Variants in OSBP2 observed in about 807,000 individuals in gnomAD.
OSBP2 encodes the protein oxysterol-binding protein 2.
A neutral mutation model predicts 96.0 loss-of-function variants in OSBP2; 66 were observed. The ratio of observed to expected loss-of-function variants is 0.69; its 90% CI spans 0.56 to 0.84. The LOEUF (loss-of-function observed/expected upper bound fraction) is 0.84, where lower values mean the gene tolerates loss of function less well. Ranked by LOEUF, OSBP2 falls within the 40% of genes least tolerant of loss-of-function variation. The probability of loss-of-function intolerance (pLI) is 0.00; values close to 1 mark genes in which losing one functional copy is unlikely to be tolerated. For synonymous variants in OSBP2, 525 were observed against 520.9 expected (o/e 1.01, Z -0.11); for missense variants, 1,038 against 1,222.7 (o/e 0.85, Z 2.25).
intron 2 of OSBP2, among the ~76,000 whole-genome samples, chr22:30,805,993 AT>A (rs1409960387): frequency 1.3e-5 from 2 of 152,172 alleles, no homozygotes; most frequent in Non-Finnish European, 2.9e-5. Flanking sequence ...CTCCAACGAT[AT>A]GTGTCTCTTC....
intron 3 of OSBP2, among the ~76,000 whole-genome samples, chr22:30,882,072 G>A (rs569085798): frequency 6.6e-6 from 1 of 152,284 alleles, no homozygotes; most frequent in East Asian, 1.9e-4. Flanking sequence ...CTGGCCCTTT[G>A]GTAGCCTTGA....
chr22:30,869,546 G>GT (rs1261424287), intron 2 of OSBP2, among the ~76,000 whole-genome samples: 1 of 152,136 alleles, frequency 6.6e-6, no homozygotes, highest in Non-Finnish European at 1.5e-5. Flanking sequence ...GTTTTGTTTT[G>GT]TTTTTTGAAA....
chr22:30,809,868 A>G (rs1485233001), intron 2 of OSBP2, among the ~76,000 whole-genome samples: 1 of 152,166 alleles, frequency 6.6e-6, no homozygotes, highest in African/African-American at 2.4e-5. Context: ...GATTCATTGC[A>G]TATAGGGACA....
chr22:30,728,858 G>C (rs112193189), intron 1 of OSBP2, among the ~76,000 whole-genome samples: 4 of 152,186 alleles, frequency 2.6e-5, no homozygotes, highest in African/African-American at 9.7e-5. Flanking sequence ...CCATTTGGAT[G>C]AACCACAAAA....
chr22:30,892,625 G>C (rs540774431), intron 8 of OSBP2, among the ~76,000 whole-genome samples: 1 of 152,256 alleles, frequency 6.6e-6, no homozygotes, highest in East Asian at 1.9e-4. Flanking sequence ...CGGGCCCGGG[G>C]CAGTGCATCG....
At chr22:30,865,631 C>CAAAAA (rs398040482) in intron 2 of OSBP2, among the ~76,000 whole-genome samples, 4,847 of 59,604 alleles carry the variant, frequency 0.081, 365 homozygotes, top group Non-Finnish European at 0.11. Flanking sequence ...GACTCCATCT[C>CAAAAA]AAAAAAAAAA....
chr22:30,768,569 C>T (rs550247036), intron 2 of OSBP2, among the ~76,000 whole-genome samples: 62 of 151,944 alleles, frequency 4.1e-4, no homozygotes, highest in African/African-American at 1.5e-3. Flanking sequence ...CCCACCTACT[C>T]GGGAGGCTGA....
chr22:30,878,119 G>A (rs1319644803), intron 3 of OSBP2, among the ~76,000 whole-genome samples: 1 of 152,250 alleles, frequency 6.6e-6, no homozygotes, highest in Non-Finnish European at 1.5e-5. Context: ...GGAGGTTGGA[G>A]TGAAGAGGAG....
chr22:30,822,453 G>C (rs2038294397), intron 2 of OSBP2: 6 of 1,199,414 alleles, frequency 5.0e-6, no homozygotes, highest in Non-Finnish European at 6.4e-6. Flanking sequence ...CGGGGTTAAC[G>C]CGCTCATGTA....
At chr22:30,703,429 C>T (rs1374140972) in intron 1 of OSBP2, among the ~76,000 whole-genome samples, 1 of 151,172 alleles carries the variant, frequency 6.6e-6, no homozygotes. Flanking sequence ...TCTCCTCAGC[C>T]TCCCAAAGTG....
intron 2 of OSBP2, among the ~76,000 whole-genome samples, chr22:30,750,122 A>G (rs1197933848): frequency 6.6e-6 from 1 of 152,118 alleles, no homozygotes; most frequent in Admixed American, 6.6e-5. Flanking sequence ...TCCCTTTCCA[A>G]ATTTGGTAGA....
chr22:30,696,633 A>G (rs1432048608), intron 1 of OSBP2, among the ~76,000 whole-genome samples: 2 of 152,194 alleles, frequency 1.3e-5, no homozygotes, highest in East Asian at 3.9e-4. Flanking sequence ...CCTTCAAGTC[A>G]CCCACTACAG....
At chr22:30,721,311 C>T (rs1458096188) in intron 1 of OSBP2, among the ~76,000 whole-genome samples, 1 of 152,166 alleles carries the variant, frequency 6.6e-6, no homozygotes, top group Non-Finnish European at 1.5e-5. Flanking sequence ...GAAAGAAGGT[C>T]ACATGTCATT....
intron 1 of OSBP2, among the ~76,000 whole-genome samples, chr22:30,727,459 A>T (rs1302384458): frequency 6.6e-6 from 1 of 152,142 alleles, no homozygotes; most frequent in East Asian, 1.9e-4. Context: ...TAGCTCACAG[A>T]ATCTCTGGAA....
chr22:30,752,064 G>A (rs776645212), intron 2 of OSBP2, among the ~76,000 whole-genome samples: 3 of 152,100 alleles, frequency 2.0e-5, no homozygotes, highest in African/African-American at 4.8e-5. Context: ...TTCCTCAGCC[G>A]TGGGCCTTCC....
At chr22:30,867,234 C>T (rs2039358132) in intron 2 of OSBP2, among the ~76,000 whole-genome samples, 1 of 152,142 alleles carries the variant, frequency 6.6e-6, no homozygotes, top group Non-Finnish European at 1.5e-5. Context: ...CCAGTCTTGT[C>T]TTTCCCATGG....
At chr22:30,787,346 G>A (rs1166573115) in intron 2 of OSBP2, among the ~76,000 whole-genome samples, 1 of 152,050 alleles carries the variant, frequency 6.6e-6, no homozygotes, top group Non-Finnish European at 1.5e-5. Flanking sequence ...TTATAAAACC[G>A]TCAGATCTCG....
At chr22:30,804,621 G>A (rs912507081) in intron 2 of OSBP2, among the ~76,000 whole-genome samples, 7 of 152,146 alleles carry the variant, frequency 4.6e-5, no homozygotes, top group African/African-American at 1.4e-4. Context: ...CATTTGTTTC[G>A]CACCAGTGTT....
chr22:30,747,312 T>C (rs142798251), intron 2 of OSBP2, among the ~76,000 whole-genome samples: 1 of 152,190 alleles, frequency 6.6e-6, no homozygotes, highest in East Asian at 1.9e-4. Context: ...ATTATGAATG[T>C]ACTAAATATC....
Sources: gnomAD v4.1 joint callset for allele counts (sites outside exome capture counted in the v4.1 genomes callset) on GRCh38, gnomAD v4.1.1 for gene constraint, MANE v1.5 for transcripts, NCBI Gene and HGNC (gene_info 2026-07-23, HGNC 2026-07-21) for gene names.